PLXNA4: variants seen among roughly 807,000 people sequenced by gnomAD.
The protein encoded by PLXNA4 is plexin-A4.
In PLXNA4, 44 loss-of-function variants were observed where a neutral mutation model predicts 191.8. That is an observed-to-expected ratio of 0.23 (90% confidence interval 0.18 to 0.29). PLXNA4 has a LOEUF of 0.29. Ranked by LOEUF, PLXNA4 falls within the 10% of genes least tolerant of loss-of-function variation. The pLI is 1.00. For synonymous variants in PLXNA4, 1,082 were observed against 1,009.5 expected, an observed-to-expected ratio of 1.07 and a Z score of -1.36; for missense variants, 1,800 against 2,488.8, an observed-to-expected ratio of 0.72 and a Z score of 5.89.
intron 2 of PLXNA4, among the ~76,000 whole-genome samples, chr7:132,603,840 C>T (rs1255603635): frequency 6.9e-6 from 1 of 145,174 alleles, no homozygotes; most frequent in Non-Finnish European, 1.5e-5. Context: ...GCATATTTAG[C>T]TACCAATTAA....
intron 2 of PLXNA4, among the ~76,000 whole-genome samples, chr7:132,496,050 T>A (rs1797999712): frequency 6.6e-6 from 1 of 152,152 alleles, no homozygotes; most frequent in Admixed American, 6.5e-5. Context: ...ACCTGGGCCA[T>A]GACTAGACAA....
At chr7:132,492,254 C>T (rs1386178083) in intron 2 of PLXNA4, among the ~76,000 whole-genome samples, 1 of 152,186 alleles carries the variant, frequency 6.6e-6, no homozygotes, top group African/African-American at 2.4e-5. Flanking sequence ...CCTGAGGAGG[C>T]TTCAGGCCTC....
At chr7:132,342,377 A>G (rs1563046284) in intron 3 of PLXNA4, among the ~76,000 whole-genome samples, 1 of 151,924 alleles carries the variant, frequency 6.6e-6, no homozygotes, top group African/African-American at 2.4e-5. Context: ...AGTTACAAAC[A>G]GATTCATCTT....
At chr7:132,255,119 T>A (rs772747244) in intron 4 of PLXNA4, among the ~76,000 whole-genome samples, 1 of 152,102 alleles carries the variant, frequency 6.6e-6, no homozygotes, top group Non-Finnish European at 1.5e-5. Flanking sequence ...GCTCAGTAGA[T>A]GGAGAACCTG....
At chr7:132,311,189 TGTGTGC>T (rs1194395268) in intron 3 of PLXNA4, among the ~76,000 whole-genome samples, 15 of 133,852 alleles carry the variant, frequency 1.1e-4, no homozygotes, top group Non-Finnish European at 1.6e-4. Context: ...TGTGTGTGTG[TGTGTGC>T]GCGTGTGGCC....
At chr7:132,598,916 G>A (rs1802765743) in intron 2 of PLXNA4, among the ~76,000 whole-genome samples, 1 of 152,128 alleles carries the variant, frequency 6.6e-6, no homozygotes, top group African/African-American at 2.4e-5. Context: ...TTCCTACTTA[G>A]GCCTTTAATC....
intron 3 of PLXNA4, among the ~76,000 whole-genome samples, chr7:132,329,561 C>T (rs1427414577): frequency 6.6e-6 from 1 of 152,198 alleles, no homozygotes; most frequent in Non-Finnish European, 1.5e-5. Context: ...GCTGCACTGC[C>T]TGAGAGCTGG....
intron 10 of PLXNA4, among the ~76,000 whole-genome samples, chr7:132,207,638 T>C (rs1191669773): frequency 6.6e-6 from 1 of 152,218 alleles, no homozygotes. Flanking sequence ...CCAGTGTCAC[T>C]CCCACACTGA....
intron 3 of PLXNA4, among the ~76,000 whole-genome samples, chr7:132,444,315 C>T (rs940629430): frequency 2.2e-4 from 33 of 152,360 alleles, no homozygotes; most frequent in Middle Eastern, 3.4e-3. Flanking sequence ...AGCGCAATGG[C>T]GCCCTCTTGG....
At chr7:132,265,630 A>G (rs2116286495) in intron 4 of PLXNA4, among the ~76,000 whole-genome samples, 1 of 152,312 alleles carries the variant, frequency 6.6e-6, no homozygotes, top group African/African-American at 2.4e-5. Context: ...GGTATTTATG[A>G]ATCCCTGAAT....
chr7:132,482,171 T>C (rs1353749783), intron 3 of PLXNA4, among the ~76,000 whole-genome samples: 1 of 152,188 alleles, frequency 6.6e-6, no homozygotes, highest in Non-Finnish European at 1.5e-5. Context: ...ACAGAGTCCC[T>C]TCCTGGAGTG....
At chr7:132,633,282 ATT>A (rs10706159) in intron 2 of PLXNA4, among the ~76,000 whole-genome samples, 3,843 of 134,250 alleles carry the variant, frequency 0.029, 134 homozygotes, top group African/African-American at 0.083. Context: ...TGAGGTTCTC[ATT>A]TTTTTTTTTT....
At chr7:132,217,857 G>T (rs79636196) in intron 9 of PLXNA4, among the ~76,000 whole-genome samples, 7,078 of 150,496 alleles carry the variant, frequency 0.047, 228 homozygotes, top group South Asian at 0.11. Context: ...TGGAGTGGGG[G>T]TGGTGCATGG....
chr7:132,161,844 G>A (rs967891291), intron 24 of PLXNA4, among the ~76,000 whole-genome samples: 1 of 152,130 alleles, frequency 6.6e-6, no homozygotes, highest in Non-Finnish European at 1.5e-5. Context: ...GCTCCCACGT[G>A]GGTACCCAGT....
chr7:132,254,404 C>T (rs568962017), intron 4 of PLXNA4, among the ~76,000 whole-genome samples: 3 of 152,306 alleles, frequency 2.0e-5, no homozygotes, highest in South Asian at 4.1e-4. Flanking sequence ...GGGTTGTGTG[C>T]ACATCCTTTC....
chr7:132,485,025 A>C, intron 3 of PLXNA4: 7 of 1,609,186 alleles, frequency 4.4e-6, no homozygotes, highest in Non-Finnish European at 5.9e-6. Context: ...TAGGGAACAA[A>C]AGCAAATTAA....
intron 30 of PLXNA4, among the ~76,000 whole-genome samples, chr7:132,137,444 A>G (rs1004044750): frequency 2.6e-5 from 4 of 152,254 alleles, no homozygotes; most frequent in Non-Finnish European, 5.9e-5. Context: ...ATGTTTTGCT[A>G]CTGGTAATGA....
At chr7:132,203,206 G>A in intron 11 of PLXNA4, 117 bp downstream of exon 11, 1 of 888,296 alleles carries the variant, frequency 1.1e-6, no homozygotes, top group South Asian at 1.6e-5. Flanking sequence ...CAGAGGGAGA[G>A]GGACAGCCAC....
At chr7:132,570,583 C>T (rs1801934949) in intron 1 of PLXNA4, among the ~76,000 whole-genome samples, 1 of 152,174 alleles carries the variant, frequency 6.6e-6, no homozygotes, top group Non-Finnish European at 1.5e-5. Flanking sequence ...CCAGGAAAGC[C>T]TTTCAACTGC....
Sources: gnomAD v4.1 joint callset for allele counts (sites outside exome capture counted in the v4.1 genomes callset) on GRCh38, gnomAD v4.1.1 for gene constraint, MANE v1.5 for transcripts, NCBI Gene and HGNC (gene_info 2026-07-23, HGNC 2026-07-21) for gene names.